Variants in CCDC81 observed in about 807,000 individuals in gnomAD.
CCDC81 encodes the protein coiled-coil domain containing 81, also known as coiled-coil domain-containing protein 81.
CCDC81 carries 79 observed loss-of-function variants against 83.7 expected under a neutral mutation model. The ratio of observed to expected loss-of-function variants is 0.94; its 90% CI spans 0.79 to 1.14. The LOEUF (loss-of-function observed/expected upper bound fraction) is 1.14, where lower values mean the gene tolerates loss of function less well. Among genes scored for constraint, CCDC81 ranks in the 50% most tolerant of loss-of-function variants. The pLI is 0.00. For missense variants in CCDC81, 791 were observed against 778.1 expected (o/e 1.02, Z -0.20); for synonymous variants, 252 against 278.1 (o/e 0.91, Z 0.93).
intron 1 of CCDC81, among the ~76,000 whole-genome samples, chr11:86,378,261 A>G (rs562481163): frequency 1.3e-5 from 2 of 152,074 alleles, no homozygotes; most frequent in African/African-American, 4.8e-5. Flanking sequence ...TTTAGTCCCC[A>G]TGTATTTTGG....
chr11:86,406,973 A>G (rs1290456669), intron 7 of CCDC81, among the ~76,000 whole-genome samples: 1 of 152,030 alleles, frequency 6.6e-6, no homozygotes, highest in Non-Finnish European at 1.5e-5. Flanking sequence ...GGCACCTTCC[A>G]CCTGAAGGAC....
chr11:86,412,704 G>A lies in CCDC81; in HGVS notation c.1391+145G>A, dbSNP rs949607282. 1.3e-5 allele frequency: 10 copies of A among 751,160 alleles called. No homozygotes were observed. In the Admixed American group the frequency reaches 2.2e-4, roughly 17 times the overall value. The allele number at this position is 751,160 out of a possible 1,614,324, so 46.5% of individuals were successfully genotyped here. A position where few individuals can be genotyped will look rare whatever the true frequency, so the allele number is the denominator to read the frequency against. ...ACTAACCCAGTTAGCAGCCAGTACT[G>A]AAATGGGAAAAGTTCCCTCGTCCCC... On this transcript the variant is annotated intron_variant, in intron 11 of 14. Coordinates refer to ENST00000445632, the MANE Select transcript of CCDC81 (RefSeq NM_001156474.2).
intron 14 of CCDC81, among the ~76,000 whole-genome samples, chr11:86,421,585 C>T (rs1488077115): frequency 1.3e-5 from 2 of 152,226 alleles, no homozygotes; most frequent in Admixed American, 1.3e-4. Flanking sequence ...GCTGGGATTA[C>T]AGGCGTAAGC....
chr11:86,383,311 A>G (rs964143244), intron 1 of CCDC81, among the ~76,000 whole-genome samples: 1 of 152,212 alleles, frequency 6.6e-6, no homozygotes, highest in Non-Finnish European at 1.5e-5. Flanking sequence ...ATACTATTCC[A>G]TATATCAGTA....
chr11:86,386,777 A>AT (rs915175860), intron 2 of CCDC81, among the ~76,000 whole-genome samples: 3 of 152,098 alleles, frequency 2.0e-5, no homozygotes, highest in East Asian at 1.9e-4. Context: ...AATGTTTTGG[A>AT]TTTTTTCCCT....
intron 1 of CCDC81, among the ~76,000 whole-genome samples, chr11:86,382,398 G>T (rs1388357861): frequency 6.6e-6 from 1 of 152,104 alleles, no homozygotes; most frequent in African/African-American, 2.4e-5. Context: ...GGATGTTAGG[G>T]GTGAGGGATA....
chr11:86,402,390 G>A (rs1466682349), intron 7 of CCDC81, among the ~76,000 whole-genome samples: 1 of 151,938 alleles, frequency 6.6e-6, no homozygotes, highest in Non-Finnish European at 1.5e-5. Context: ...GATATTATAT[G>A]GATTTTTGTT....
chr11:86,395,962 T>C (rs1948404060), intron 5 of CCDC81, among the ~76,000 whole-genome samples: 1 of 152,172 alleles, frequency 6.6e-6, no homozygotes. Context: ...CTCCTGGAAA[T>C]TCTGATACTA....
intron 7 of CCDC81, among the ~76,000 whole-genome samples, chr11:86,406,348 T>C (rs1401831709): frequency 1.3e-5 from 2 of 152,222 alleles, no homozygotes; most frequent in Admixed American, 6.5e-5. Context: ...TATTTCTTGA[T>C]GTTCTGCATG....
At chr11:86,405,675 A>G (rs770104455) in intron 7 of CCDC81, among the ~76,000 whole-genome samples, 2 of 151,710 alleles carry the variant, frequency 1.3e-5, no homozygotes, top group African/African-American at 2.4e-5. Flanking sequence ...TTTTGTTCCA[A>G]TTTGGTTTTA....
chr11:86,405,701 T>C (rs10501618), intron 7 of CCDC81, among the ~76,000 whole-genome samples: 52,560 of 151,942 alleles, frequency 0.35, 9,514 homozygotes, highest in Admixed American at 0.41. Flanking sequence ...TAAAACATTT[T>C]GTATTATTTT....
intron 11 of CCDC81, among the ~76,000 whole-genome samples, chr11:86,412,931 T>C (rs1182304338): frequency 6.6e-6 from 1 of 152,156 alleles, no homozygotes; most frequent in Non-Finnish European, 1.5e-5. Flanking sequence ...GTGGCTTGTG[T>C]TAGTCAGCGC....
chr11:86,422,888 A>T lies in CCDC81; in HGVS notation c.*173A>T. 1 of 636,020 alleles carries T rather than the reference A, an allele frequency of 1.6e-6. No homozygotes were observed. Among genetic ancestry groups the T allele is most frequent in the Middle Eastern group, 2.7e-4 (1 of 3,702 alleles). 39.4% of individuals were successfully genotyped at this position (636,020 alleles called of 1,614,324 possible). Reference sequence around the variant, plus strand: ...TTGAATTCACTCCTGCTTTCCTCCCACCCCCAATTATTTCCTATACTAGTT... The same window carrying T: ...TTGAATTCACTCCTGCTTTCCTCCCTCCCCCAATTATTTCCTATACTAGTT... On this transcript the variant is annotated 3_prime_UTR_variant, in exon 15 of 15. Transcript: ENST00000445632.
At chr11:86,379,102 C>CT (rs34798518) in intron 1 of CCDC81, among the ~76,000 whole-genome samples, 24,365 of 146,478 alleles carry the variant, frequency 0.17, 2,569 homozygotes, top group East Asian at 0.47. Context: ...ATCAGTTATA[C>CT]TTTTTTTTTT....
At chr11:86,409,708 CA>C (rs1414816135) in intron 10 of CCDC81, among the ~76,000 whole-genome samples, 1 of 152,246 alleles carries the variant, frequency 6.6e-6, no homozygotes. Flanking sequence ...CTTGGCCTCC[CA>C]AAGTGCTGGG....
Position 86,422,892 on chromosome 11 carries a change from C to T in CCDC81, c.*177C>T, listed in dbSNP as rs1330445420. The T allele has an allele frequency of 6.4e-6, 4 of 624,658 alleles. No homozygotes were observed. The highest frequency in any genetic ancestry group is 5.5e-5 in the African/African-American group (3 of 54,312). 38.7% of individuals were successfully genotyped at this position (624,658 alleles called of 1,614,324 possible). On this transcript the variant is annotated 3_prime_UTR_variant, in exon 15 of 15. Transcript: ENST00000445632. ...ATTCACTCCTGCTTTCCTCCCACCCCCAATTATTTCCTATACTAGTTTCTG... is the reference window on the plus strand; with the variant it reads ...ATTCACTCCTGCTTTCCTCCCACCCTCAATTATTTCCTATACTAGTTTCTG...
chr11:86,400,560 T>C (rs1427506006), intron 6 of CCDC81, 118 bp from the exon 7 acceptor site: 5 of 998,556 alleles, frequency 5.0e-6, no homozygotes, highest in Non-Finnish European at 7.2e-6. Flanking sequence ...GAACAAGGGG[T>C]GATTATTTAA....
chr11:86,407,526 T>G (rs79820077), intron 7 of CCDC81, 88 bp from the exon 8 acceptor site: 12,942 of 812,936 alleles, frequency 0.016, 143 homozygotes, highest in South Asian at 0.021. Flanking sequence ...GAAATATTTT[T>G]CTTCATCTTA....
chr11:86,416,373 G>T (rs146691992), intron 13 of CCDC81, among the ~76,000 whole-genome samples: 47 of 152,326 alleles, frequency 3.1e-4, no homozygotes, highest in Non-Finnish European at 6.2e-4. Flanking sequence ...GGGAAGCAAA[G>T]TGTGCTTTCC....
Sources: allele counts gnomAD v4.1 joint callset (sites outside exome capture counted in the v4.1 genomes callset), GRCh38; gene constraint gnomAD v4.1.1; transcripts MANE v1.5; gene names NCBI Gene and HGNC (gene_info 2026-07-23, HGNC 2026-07-21).